XIRP2: variants seen among roughly 807,000 people sequenced by gnomAD.
The protein encoded by XIRP2 is xin actin-binding repeat-containing protein 2.
Under a neutral mutation model 277.0 loss-of-function variants are expected in XIRP2, and 236 were observed. The ratio of observed to expected loss-of-function variants is 0.85; its 90% CI spans 0.77 to 0.95. XIRP2 has a LOEUF of 0.95. XIRP2 is among the 40% of genes least tolerant of loss of function. XIRP2 has a pLI of 0.00. For missense variants in XIRP2, 4,640 were observed against 4,157.5 expected, an observed-to-expected ratio of 1.12 and a Z score of -3.19; for synonymous variants, 1,490 against 1,416.5, an observed-to-expected ratio of 1.05 and a Z score of -1.17.
chr2:167,210,509 G>A (rs1693993038), intron 3 of XIRP2, among the ~76,000 whole-genome samples: 1 of 152,208 alleles, frequency 6.6e-6, no homozygotes, highest in South Asian at 2.1e-4. Flanking sequence ...CAAGAGTTGG[G>A]GGGATAAATT....
intron 2 of XIRP2, among the ~76,000 whole-genome samples, chr2:166,950,326 A>G (rs978801897): frequency 6.6e-6 from 1 of 151,984 alleles, no homozygotes; most frequent in African/African-American, 2.4e-5. Flanking sequence ...GCAAAAACTA[A>G]TTTGCTTCCC....
At chr2:167,063,749 CT>C (rs1180330972) in intron 2 of XIRP2, among the ~76,000 whole-genome samples, 1 of 151,272 alleles carries the variant, frequency 6.6e-6, no homozygotes, top group East Asian at 1.9e-4. Flanking sequence ...ATTTTAATTT[CT>C]TTTTATTTGT....
chr2:167,000,660 C>T (rs1484964483), intron 2 of XIRP2, among the ~76,000 whole-genome samples: 2 of 151,996 alleles, frequency 1.3e-5, no homozygotes, highest in Non-Finnish European at 2.9e-5. Context: ...TATAAAGGAC[C>T]TATTCCTGCA....
chr2:167,000,889 T>G (rs1383900182), intron 2 of XIRP2, among the ~76,000 whole-genome samples: 2 of 152,100 alleles, frequency 1.3e-5, no homozygotes, highest in Non-Finnish European at 2.9e-5. Flanking sequence ...ACAATGGATA[T>G]AAGAAAGTCT....
Position 167,245,067 on chromosome 2 carries a change from C to G in XIRP2, c.3675C>G (p.Thr1225=). The G allele has an allele frequency of 6.2e-7, 1 of 1,610,142 alleles. No homozygotes were observed. ...SSEEVLKKIK[T]LKTEDIQKGN... is the part of the protein sequence containing the mutation. ...AGGAAGTTTTGAAAAAGATCAAAAC[C>G]TTAAAAACTGAAGATATTCAGAAAG... is the stretch of plus-strand genomic sequence containing the variant. Residue 1225 remains threonine (T), a synonymous_variant, in exon 9 of 11, where the codon ACC becomes ACG. Coordinates refer to ENST00000409195, the MANE Select transcript of XIRP2 (RefSeq NM_152381.6).
chr2:167,225,831 T>A (rs1694582328), intron 5 of XIRP2, among the ~76,000 whole-genome samples: 1 of 152,212 alleles, frequency 6.6e-6, no homozygotes, highest in Non-Finnish European at 1.5e-5. Flanking sequence ...CCCTTTAATC[T>A]GTTTATCCTC....
At chr2:166,968,816 C>G (rs1009227742) in intron 2 of XIRP2, among the ~76,000 whole-genome samples, 6 of 151,606 alleles carry the variant, frequency 4.0e-5, no homozygotes, top group African/African-American at 1.2e-4. Context: ...CTGACAGAAA[C>G]AAAACACAAT....
chr2:166,929,617 A>G (rs906168362), intron 2 of XIRP2, among the ~76,000 whole-genome samples: 1 of 152,020 alleles, frequency 6.6e-6, no homozygotes, highest in African/African-American at 2.4e-5. Context: ...ATGGCCACTT[A>G]TTTCTTAAAG....
chr2:166,970,417 AT>A (rs1433733113), intron 2 of XIRP2, among the ~76,000 whole-genome samples: 2 of 151,580 alleles, frequency 1.3e-5, no homozygotes, highest in Admixed American at 1.3e-4. Flanking sequence ...TTGTTTTTTT[AT>A]TTTGCTTTTC....
At chr2:166,942,953 A>G (rs1351149889) in intron 2 of XIRP2, among the ~76,000 whole-genome samples, 2 of 152,182 alleles carry the variant, frequency 1.3e-5, no homozygotes, top group Non-Finnish European at 1.5e-5. Context: ...ACATCAAAAT[A>G]TACATGAATC....
At chr2:167,041,604 T>C (rs1688661722) in intron 2 of XIRP2, among the ~76,000 whole-genome samples, 1 of 152,144 alleles carries the variant, frequency 6.6e-6, no homozygotes, top group Admixed American at 6.5e-5. Context: ...CCTTTAATTC[T>C]ACTCAGTCAG....
intron 1 of XIRP2, among the ~76,000 whole-genome samples, chr2:166,902,573 A>T (rs914186668): frequency 8.6e-5 from 13 of 152,022 alleles, no homozygotes; most frequent in African/African-American, 3.1e-4. Flanking sequence ...TAGTGCTAGC[A>T]TATAATTCTT....
rs72884639 is a variant in XIRP2, at chr2:167,066,960, C to T, written c.409-68949C>T. On this transcript the variant is annotated intron_variant, in intron 2 of 10. Transcript: ENST00000409195. ...AGATAACACATCTTTTTTCCTTTGGCTTATTTTTTCTTTATTGCTGGTCTT... is the reference window on the plus strand; with the variant it reads ...AGATAACACATCTTTTTTCCTTTGGTTTATTTTTTCTTTATTGCTGGTCTT... Among the ~76,000 whole-genome samples, 369 of 152,094 alleles carry T rather than the reference C, an allele frequency of 2.4e-3. 1 individual carries two copies. The highest frequency in any genetic ancestry group is 4.6e-3 in the South Asian group (22 of 4,828).
intron 2 of XIRP2, among the ~76,000 whole-genome samples, chr2:167,049,861 C>T (rs1180585834): frequency 6.6e-6 from 1 of 151,596 alleles, no homozygotes; most frequent in Admixed American, 6.6e-5. Context: ...TAGAAAGTTC[C>T]CTTCTGGGGG....
chr2:167,036,213 A>T (rs908387613), intron 2 of XIRP2, among the ~76,000 whole-genome samples: 1 of 152,148 alleles, frequency 6.6e-6, no homozygotes, highest in Non-Finnish European at 1.5e-5. Flanking sequence ...GAGAAGAGGG[A>T]CACTGTCCTG....
At chr2:167,178,215 A>G (rs1573936436) in intron 3 of XIRP2, among the ~76,000 whole-genome samples, 1 of 152,108 alleles carries the variant, frequency 6.6e-6, no homozygotes, top group East Asian at 1.9e-4. Flanking sequence ...CTTAACAGCA[A>G]TCAGTTACCT....
Position 166,979,779 on chromosome 2 carries a change from C to T in XIRP2, c.408+75889C>T, listed in dbSNP as rs59066364. Among the ~76,000 whole-genome samples the T allele has an allele frequency of 3.3e-3, 498 of 152,150 alleles. 3 individuals carry two copies. The highest frequency in any genetic ancestry group is 0.011 in the African/African-American group (452 of 41,524). ...TGCCTTCTTATACATTGATTAATTT[C>T]GATTGCCAATATTGTAAGCATTTTC... is the stretch of plus-strand genomic sequence containing the variant. On this transcript the variant is annotated intron_variant, in intron 2 of 10. Coordinates refer to ENST00000409195, the MANE Select transcript of XIRP2 (RefSeq NM_152381.6).
chr2:166,928,684 A>G (rs949191992), intron 2 of XIRP2, among the ~76,000 whole-genome samples: 2 of 152,148 alleles, frequency 1.3e-5, no homozygotes, highest in African/African-American at 2.4e-5. Flanking sequence ...CAAGCAGCAT[A>G]ATTAACCCAA....
At chr2:167,151,709 G>C (rs972384700) in intron 3 of XIRP2, among the ~76,000 whole-genome samples, 3 of 152,100 alleles carry the variant, frequency 2.0e-5, no homozygotes, top group African/African-American at 4.8e-5. Flanking sequence ...GAAAACGCTT[G>C]CTTCAAAAAT....
Sources: gnomAD v4.1 joint callset for allele counts (sites outside exome capture counted in the v4.1 genomes callset) on GRCh38, gnomAD v4.1.1 for gene constraint, MANE v1.5 for transcripts, NCBI Gene and HGNC (gene_info 2026-07-23, HGNC 2026-07-21) for gene names.